The following PKD1L1 variants were observed in gnomAD, a reference collection of about 807,000 sequenced individuals.
PKD1L1 encodes polycystin-1-like protein 1.
In PKD1L1, 236 loss-of-function variants were observed where a neutral mutation model predicts 323.4. The observed-to-expected ratio is 0.73, with a 90% CI of 0.66 to 0.81. The LOEUF (loss-of-function observed/expected upper bound fraction) is 0.81, where lower values mean the gene tolerates loss of function less well. Among genes scored for constraint, PKD1L1 ranks in the 40% least tolerant of loss-of-function variants. The probability of loss-of-function intolerance (pLI) is 0.00; values close to 1 mark genes in which losing one functional copy is unlikely to be tolerated. For synonymous variants in PKD1L1, 1,344 were observed against 1,335.0 expected (o/e 1.01, Z -0.15); for missense variants, 3,320 against 3,508.0 (o/e 0.95, Z 1.35).
the PKD1L1 span, among the ~76,000 whole-genome samples, chr7:47,959,023 T>C: frequency 6.6e-6 from 1 of 152,272 alleles, no homozygotes; most frequent in African/African-American, 2.4e-5. Context: ...GGGGTTTCGC[T>C]GTGTTGGCCG....
intron 31 of PKD1L1, among the ~76,000 whole-genome samples, chr7:47,851,088 C>G (rs988922165): frequency 6.6e-6 from 1 of 152,152 alleles, no homozygotes; most frequent in African/African-American, 2.4e-5. Flanking sequence ...ATTTTACACA[C>G]ACATACACAC....
At chr7:47,806,586 T>C (rs761842110) in intron 52 of PKD1L1, among the ~76,000 whole-genome samples, 21 of 152,318 alleles carry the variant, frequency 1.4e-4, no homozygotes, top group South Asian at 1.2e-3. Flanking sequence ...AGGGGAGCAG[T>C]AGTGAACAAA....
intron 13 of PKD1L1, among the ~76,000 whole-genome samples, chr7:47,899,652 T>C (rs1787036006): frequency 6.6e-6 from 1 of 150,994 alleles, no homozygotes; most frequent in African/African-American, 2.4e-5. Flanking sequence ...TTCCTGAAGG[T>C]TCCCTAAAAA....
chr7:47,797,352 T>C (rs1047788719), intron 54 of PKD1L1, among the ~76,000 whole-genome samples: 3 of 152,228 alleles, frequency 2.0e-5, no homozygotes, highest in Admixed American at 2.0e-4. Flanking sequence ...ATTACCCAGA[T>C]AAAGCTTGTG....
intron 49 of PKD1L1, 22 bp from the exon 50 acceptor site, chr7:47,812,073 G>A (rs370071576): frequency 1.3e-6 from 2 of 1,543,276 alleles, no homozygotes; most frequent in Admixed American, 2.0e-5. Context: ...CACACACTGG[G>A]GTAGGGCAGG....
At chr7:47,875,976 G>T in intron 23 of PKD1L1, 121 bp downstream of exon 23, 2 of 1,071,872 alleles carry the variant, frequency 1.9e-6, no homozygotes, top group Non-Finnish European at 2.6e-6. Context: ...AAACTGAAAA[G>T]CATTAAACTG....
chr7:47,949,975 C>A (rs78834219), upstream of PKD1L1, among the ~76,000 whole-genome samples: 2,771 of 152,268 alleles, frequency 0.018, 39 homozygotes, highest in East Asian at 0.055. Flanking sequence ...CTTGTCAGTG[C>A]CTCTGGCTTT....
intron 24 of PKD1L1, among the ~76,000 whole-genome samples, chr7:47,869,967 A>G (rs764047039): frequency 7.4e-4 from 112 of 152,154 alleles, no homozygotes; most frequent in Non-Finnish European, 2.4e-4. Context: ...TAAAAAAGTA[A>G]AAAACATACT....
intron 30 of PKD1L1, 90 bp downstream of exon 30, chr7:47,854,792 C>T (rs1398036931): frequency 2.1e-6 from 3 of 1,445,816 alleles, no homozygotes; most frequent in African/African-American, 1.4e-5. Context: ...TTTAAAAACA[C>T]AATTTAATTC....
chr7:47,825,776 G>T (rs1336665376), intron 45 of PKD1L1, among the ~76,000 whole-genome samples: 1 of 151,992 alleles, frequency 6.6e-6, no homozygotes, highest in Non-Finnish European at 1.5e-5. Context: ...AGTGTATTTT[G>T]TTGTATTTAT....
Position 47,829,516 on chromosome 7 carries a change from T to A in PKD1L1, c.6644A>T (p.Asp2215Val). The A allele has an allele frequency of 1.2e-6, 2 of 1,614,104 alleles. No individual in the cohort carries two copies. The highest frequency in any genetic ancestry group is 1.7e-6 in the Non-Finnish European group (2 of 1,180,018). The change falls in exon 44 of 57, where the codon GAT becomes GTT. Residue 2215 changes from aspartate to valine, a missense_variant. Asp to Val is a radical substitution (Grantham distance 152). Coordinates refer to ENST00000289672, the MANE Select transcript of PKD1L1 (RefSeq NM_138295.5). ...ACGTTCTGCCAATTCAGAGTCCAGA[T>A]CCCTGGTAGCCTCACATAAAGACTC... The part of the protein sequence containing the change: ...FTESLCEATR[D>V]LDSELAERSW...
At chr7:47,812,676 C>T (rs143565250) in intron 49 of PKD1L1, among the ~76,000 whole-genome samples, 32 of 152,200 alleles carry the variant, frequency 2.1e-4, no homozygotes, top group South Asian at 8.3e-4. Context: ...GGGCAGGCGG[C>T]CTGACCTCAG....
In PKD1L1 at chr7:47,780,253, T is replaced by C. The variant is rs79592281; in HGVS notation, c.8527-5087A>G. ...TCCTTTTATAGATGCACCTAAGCCT[T>C]CTTCCTTCCTTCCTCACCGTCTTTT... On this transcript the variant is annotated intron_variant, in intron 56 of 56. Coordinates refer to ENST00000289672, the MANE Select transcript of PKD1L1 (RefSeq NM_138295.5). Among the ~76,000 whole-genome samples the C allele has an allele frequency of 4.3e-3, 653 of 152,282 alleles. 9 individuals carry two copies. The highest frequency in any genetic ancestry group is 0.015 in the African/African-American group (614 of 41,558).
chr7:47,839,529 G>C lies in PKD1L1; in HGVS notation c.5686C>G (p.Gln1896Glu), dbSNP rs1306877251. The C allele has an allele frequency of 3.1e-6, 5 of 1,611,378 alleles. No homozygotes were observed. In the African/African-American group the frequency reaches 6.7e-5, roughly 22 times the overall value. ...HTGQGWFFPA[Q>E]CWLSAGRHDG... ...TGCCTGCCGGCAGACAGCCAGCACT[G>C]GGCAGGGAAGAACCAGCCCTGTCCC... The change falls in exon 36 of 57, where the codon CAG becomes GAG. Residue 1896 changes from glutamine (Q) to glutamate (E), a missense_variant. Transcript: ENST00000289672. The surrounding 1 kb of genome is among the most constrained non-coding windows in gnomAD (Gnocchi z 4.3).
intron 37 of PKD1L1, among the ~76,000 whole-genome samples, chr7:47,836,347 G>T (rs999808819): frequency 4.6e-5 from 7 of 152,116 alleles, no homozygotes; most frequent in Non-Finnish European, 8.8e-5. Flanking sequence ...TGCATGAATG[G>T]CCATGATGTT....
intron 8 of PKD1L1, among the ~76,000 whole-genome samples, chr7:47,912,404 G>T (rs1787339975): frequency 1.3e-5 from 2 of 152,206 alleles, no homozygotes; most frequent in South Asian, 4.1e-4. Flanking sequence ...TCTAATTCAA[G>T]AAATCTTTCC....
chr7:47,853,057 A>G lies in PKD1L1; in HGVS notation c.4960+70T>C, dbSNP rs1043049176. 10 of 1,037,736 alleles carry G rather than the reference A, an allele frequency of 9.6e-6. No homozygotes were observed. In the African/African-American group the frequency reaches 1.1e-4, roughly 12 times the overall value. 64.3% of individuals were successfully genotyped at this position (1,037,736 alleles called of 1,614,324 possible). ...TGAATAAAGAAAAACACCACTATACATACAAAGGTTATAGGGGATGTTTTA... is the reference window on the plus strand; with the variant it reads ...TGAATAAAGAAAAACACCACTATACGTACAAAGGTTATAGGGGATGTTTTA... On this transcript the variant is annotated intron_variant, in intron 31 of 56. Coordinates refer to ENST00000289672, the MANE Select transcript of PKD1L1 (RefSeq NM_138295.5).
At chr7:47,858,614 G>A in intron 27 of PKD1L1, 59 bp downstream of exon 27, 2 of 1,482,024 alleles carry the variant, frequency 1.3e-6, no homozygotes, top group Non-Finnish European at 9.4e-7. Context: ...ACAAATACAG[G>A]TTAACATCCT....
chr7:47,818,825 T>C (rs1263997782), intron 46 of PKD1L1, among the ~76,000 whole-genome samples: 1 of 152,258 alleles, frequency 6.6e-6, no homozygotes, highest in African/African-American at 2.4e-5. Context: ...TTATTATTTT[T>C]TTTTGGAACT....
Sources: gnomAD v4.1 joint callset for allele counts (sites outside exome capture counted in the v4.1 genomes callset) on GRCh38, gnomAD v4.1.1 for gene constraint, Gnocchi (gnomAD v3.1) non-coding constraint, MANE v1.5 for transcripts, NCBI Gene and HGNC (gene_info 2026-07-23, HGNC 2026-07-21) for gene names.